BDKRB2: variants seen among roughly 807,000 people sequenced by gnomAD.
BDKRB2 encodes B2 bradykinin receptor.
A neutral mutation model predicts 4.0 loss-of-function variants in BDKRB2; 6 were observed. That is an observed-to-expected ratio of 1.49 (90% CI 0.81 to 2.93). The LOEUF (loss-of-function observed/expected upper bound fraction) is 2.93. BDKRB2 is among the 30% of genes most tolerant of loss of function. BDKRB2 has a pLI of 0.00. For missense variants in BDKRB2, 478 were observed against 520.1 expected (o/e 0.92, Z 0.79); for synonymous variants, 225 against 215.3 (o/e 1.05, Z -0.40).
chr14:96,223,212 C>A (rs1370433222), intron 1 of BDKRB2: 4 of 1,112,836 alleles, frequency 3.6e-6, no homozygotes, highest in Non-Finnish European at 4.1e-6. Flanking sequence ...TCCCTAAAAC[C>A]CATTTGATGT....
At chr14:96,205,700 G>T (rs1329448083) in intron 1 of BDKRB2, among the ~76,000 whole-genome samples, 1 of 152,214 alleles carries the variant, frequency 6.6e-6, no homozygotes, top group Non-Finnish European at 1.5e-5. Context: ...TTTTGGGCGA[G>T]TTATTTTGTC....
intron 1 of BDKRB2, among the ~76,000 whole-genome samples, chr14:96,216,609 C>T (rs1014639386): frequency 1.4e-5 from 2 of 147,758 alleles, no homozygotes; most frequent in Non-Finnish European, 3.0e-5. Context: ...GGCAACAGAG[C>T]AAGATCCTGT....
In BDKRB2 at chr14:96,240,710, A is replaced by G. The variant is rs1287992867; in HGVS notation, c.382A>G (p.Thr128Ala). ...SNNFDWLFGE[T>A]LCRVVNAIIS... ...CAACTTCGACTGGCTCTTTGGGGAG[A>G]CGCTCTGCCGCGTGGTGAATGCCAT... Residue 128 changes from threonine (T) to alanine (A), a missense_variant, in exon 3 of 3, where the codon ACG (threonine) becomes GCG (alanine). By Grantham distance (58) the Thr-to-Ala change is moderately conservative. Coordinates refer to ENST00000554311, the MANE Select transcript of BDKRB2 (RefSeq NM_001379692.1). 6.2e-7 allele frequency: 1 copy of G among 1,600,898 alleles called. No homozygotes were observed. The highest frequency in any genetic ancestry group is 1.7e-5 in the Admixed American group (1 of 58,502).
chr14:96,214,890 G>C (rs574447607), intron 1 of BDKRB2: 1 of 152,230 alleles, frequency 6.6e-6, no homozygotes, highest in Non-Finnish European at 1.5e-5. Context: ...CATAAAGCAA[G>C]AAAAATCAGG....
intron 1 of BDKRB2, 70 bp from the exon 2 acceptor site, chr14:96,236,999 G>A: frequency 2.2e-6 from 2 of 910,984 alleles, no homozygotes; most frequent in Non-Finnish European, 3.6e-6. Context: ...TCTCCTCCCT[G>A]CTGGAGAATG....
chr14:96,209,820 A>G (rs1371420683), intron 1 of BDKRB2, among the ~76,000 whole-genome samples: 2 of 152,004 alleles, frequency 1.3e-5, no homozygotes, highest in African/African-American at 4.8e-5. Context: ...ACATGGTGAA[A>G]CCCTGTCTCT....
intron 1 of BDKRB2, among the ~76,000 whole-genome samples, chr14:96,221,647 A>T (rs547761043): frequency 1.3e-5 from 2 of 152,110 alleles, no homozygotes; most frequent in African/African-American, 4.8e-5. Flanking sequence ...GATTTGCTAG[A>T]GGTGCTTGAG....
chr14:96,238,840 T>C, intron 2 of BDKRB2: 1 of 986,668 alleles, frequency 1.0e-6, no homozygotes, highest in Non-Finnish European at 1.2e-6. Flanking sequence ...CAGGGCACCC[T>C]CCACCCTCTG....
At chr14:96,228,968 T>C (rs181906872) in intron 1 of BDKRB2, among the ~76,000 whole-genome samples, 18 of 152,278 alleles carry the variant, frequency 1.2e-4, no homozygotes, top group Admixed American at 5.2e-4. Flanking sequence ...ATCTGGAACA[T>C]GGGAATAGCA....
At chr14:96,229,413 G>A (rs1023186066) in intron 1 of BDKRB2, among the ~76,000 whole-genome samples, 2 of 152,220 alleles carry the variant, frequency 1.3e-5, no homozygotes, top group African/African-American at 4.8e-5. Context: ...GCCTTGGACC[G>A]AAGCTCCTGC....
intron 1 of BDKRB2, among the ~76,000 whole-genome samples, chr14:96,219,206 G>A (rs1414572469): frequency 6.6e-6 from 1 of 151,900 alleles, no homozygotes; most frequent in African/African-American, 2.4e-5. Flanking sequence ...GAAGGCTGAG[G>A]CAGGAGAATC....
rs1342576200 is a variant in BDKRB2 at position 96,243,733 on chromosome 14, TCTC to T, written c.*2233_*2235del. On this transcript the variant is annotated 3_prime_UTR_variant, in exon 3 of 3. Transcript: ENST00000554311. ...CCCACTCTTTTTTCCCACCACCCAC[TCTC>T]CTCTGCCTCAGTAAGTATCTGGAGG... 3 of 154,422 alleles carry T rather than the reference TCTC, an allele frequency of 1.9e-5. No homozygotes were observed. The highest frequency in any genetic ancestry group is 4.8e-5 in the African/African-American group (2 of 41,316). The allele number at this position is 154,422 out of a possible 1,614,324, so 9.6% of individuals were successfully genotyped here.
In BDKRB2 at chr14:96,235,347, C is replaced by CA. The variant is rs60409238; in HGVS notation, c.-39-1695dup. Among the ~76,000 whole-genome samples the CA allele has an allele frequency of 7.7e-3, 519 of 67,190 alleles. 16 individuals carry two copies. Among genetic ancestry groups the CA allele is most frequent in the Non-Finnish European group, 8.5e-3 (313 of 36,842 alleles). 44.1% of individuals were successfully genotyped at this position (67,190 alleles called of 152,430 possible). Reference sequence around the variant, plus strand: ...TGGGTGACAGAGAGAGACTCCGTCTCAAAAAAAAAAAAAAAAAAAAAAAAA... The same window carrying CA: ...TGGGTGACAGAGAGAGACTCCGTCTCAAAAAAAAAAAAAAAAAAAAAAAAAA... On this transcript the variant is annotated intron_variant, in intron 1 of 2. Coordinates refer to ENST00000554311, the MANE Select transcript of BDKRB2 (RefSeq NM_001379692.1).
intron 1 of BDKRB2, 150 bp downstream of exon 1, chr14:96,205,109 GGGAGGTCTGACAGGC>G (rs1447082789): frequency 1.2e-5 from 2 of 167,164 alleles, no homozygotes; most frequent in Non-Finnish European, 2.6e-5. Context: ...CCTTCCGGAG[GGGAGGTCTGACAGGC>G]GATGGGGAGA....
chr14:96,210,108 G>T (rs1162283191), intron 1 of BDKRB2, among the ~76,000 whole-genome samples: 1 of 152,156 alleles, frequency 6.6e-6, no homozygotes, highest in African/African-American at 2.4e-5. Context: ...TCTATCCTTT[G>T]TTCCATACCT....
At chr14:96,219,953 G>T (rs368474909) in intron 1 of BDKRB2, among the ~76,000 whole-genome samples, 1 of 151,984 alleles carries the variant, frequency 6.6e-6, no homozygotes, top group Non-Finnish European at 1.5e-5. Context: ...CTTTCTGGCC[G>T]ACCAAGCCTA....
intron 2 of BDKRB2, chr14:96,239,032 C>G: frequency 1.0e-6 from 1 of 985,502 alleles, no homozygotes; most frequent in Non-Finnish European, 1.2e-6. Context: ...TAGAAGCAAA[C>G]GGACTTTTCC....
chr14:96,206,697 A>G (rs1484800341), intron 1 of BDKRB2, among the ~76,000 whole-genome samples: 10 of 152,308 alleles, frequency 6.6e-5, no homozygotes, highest in African/African-American at 2.2e-4. Flanking sequence ...CAGAGGTAAC[A>G]TTAGGGCGGC....
chr14:96,242,037 A>G lies in BDKRB2; in HGVS notation c.*533A>G, dbSNP rs1885306032. The G allele has an allele frequency of 6.5e-6, 1 of 153,160 alleles. No individual in the cohort carries two copies. Among genetic ancestry groups the G allele is most frequent in the African/African-American group, 2.4e-5 (1 of 41,480 alleles). The allele number at this position is 153,160 out of a possible 1,614,324, so 9.5% of individuals were successfully genotyped here. ...CCCTGATAACAACCTGGAGACCAGG[A>G]TTTTATGGCTCCCCTCACTGATGGA... is the stretch of plus-strand genomic sequence containing the variant. On this transcript the variant is annotated 3_prime_UTR_variant, in exon 3 of 3. Coordinates refer to ENST00000554311, the MANE Select transcript of BDKRB2 (RefSeq NM_001379692.1).
Sources: allele counts gnomAD v4.1 joint callset (sites outside exome capture counted in the v4.1 genomes callset), GRCh38; gene constraint gnomAD v4.1.1; transcripts MANE v1.5; gene names NCBI Gene and HGNC (gene_info 2026-07-23, HGNC 2026-07-21).